The following PRELID2 variants were observed in gnomAD, a reference collection of about 807,000 sequenced individuals.
The protein encoded by PRELID2 is PRELI domain-containing protein 2.
In PRELID2, 25 loss-of-function variants were observed where a neutral mutation model predicts 28.4. The ratio of observed to expected loss-of-function variants is 0.88; its 90% CI spans 0.64 to 1.23. The LOEUF (loss-of-function observed/expected upper bound fraction) is 1.23, where lower values mean the gene tolerates loss of function less well. Among genes scored for constraint, PRELID2 ranks in the 50% most tolerant of loss-of-function variants. The probability of loss-of-function intolerance (pLI) is 0.00; values close to 1 mark genes in which losing one functional copy is unlikely to be tolerated. For missense variants in PRELID2, 201 were observed against 214.4 expected, an observed-to-expected ratio of 0.94 and a Z score of 0.39; for synonymous variants, 76 against 71.6, an observed-to-expected ratio of 1.06 and a Z score of -0.31.
intron 1 of PRELID2, among the ~76,000 whole-genome samples, chr5:145,586,688 C>A (rs183320367): frequency 1.3e-3 from 193 of 152,188 alleles, no homozygotes; most frequent in Admixed American, 3.7e-3. Flanking sequence ...CCCCATATAT[C>A]CGACATCTCT....
At chr5:145,491,870 AG>A (rs1239566887) in intron 1 of PRELID2, among the ~76,000 whole-genome samples, 1 of 152,162 alleles carries the variant, frequency 6.6e-6, no homozygotes, top group African/African-American at 2.4e-5. Flanking sequence ...TCACAATGAC[AG>A]GCTTTCTTTC....
At chr5:145,417,612 T>G in the PRELID2 span, among the ~76,000 whole-genome samples, 23 of 152,162 alleles carry the variant, frequency 1.5e-4, no homozygotes, top group Admixed American at 1.5e-3. Context: ...TCAATAAATG[T>G]GATTCACCAT....
At chr5:145,779,508 A>C (rs1404795534) in intron 5 of PRELID2, among the ~76,000 whole-genome samples, 1 of 108,902 alleles carries the variant, frequency 9.2e-6, no homozygotes, top group Non-Finnish European at 1.9e-5. Context: ...TTTGAAGTTT[A>C]TGTAGTTACT....
At chr5:145,681,063 TC>T (rs1754925604) in intron 1 of PRELID2, among the ~76,000 whole-genome samples, 1 of 152,318 alleles carries the variant, frequency 6.6e-6, no homozygotes, top group Middle Eastern at 3.4e-3. Flanking sequence ...TCTGTCTGCT[TC>T]GGCAGTGGCC....
At chr5:145,459,202 C>T in the PRELID2 span, among the ~76,000 whole-genome samples, 2 of 152,144 alleles carry the variant, frequency 1.3e-5, no homozygotes, top group East Asian at 1.9e-4. Context: ...ATTCTGATGT[C>T]CCCTGGGAGC....
At chr5:145,608,422 T>C (rs1689151032) in intron 1 of PRELID2, among the ~76,000 whole-genome samples, 1 of 152,188 alleles carries the variant, frequency 6.6e-6, no homozygotes, top group Non-Finnish European at 1.5e-5. Context: ...AAGGATCTCT[T>C]GTAAGGCTGG....
At chr5:145,483,766 C>CG (rs1426431686) in intron 1 of PRELID2, among the ~76,000 whole-genome samples, 2 of 152,196 alleles carry the variant, frequency 1.3e-5, no homozygotes, top group African/African-American at 4.8e-5. Flanking sequence ...AACCTATGTC[C>CG]TTACCTATCA....
intron 1 of PRELID2, among the ~76,000 whole-genome samples, chr5:145,560,821 C>T (rs774546867): frequency 6.6e-6 from 1 of 152,186 alleles, no homozygotes; most frequent in Non-Finnish European, 1.5e-5. Flanking sequence ...TTTCCCAGTG[C>T]AGTTAGGGCT....
chr5:145,631,619 C>A (rs1177945029), intron 1 of PRELID2, among the ~76,000 whole-genome samples: 1 of 152,134 alleles, frequency 6.6e-6, no homozygotes, highest in South Asian at 2.1e-4. Context: ...TATTCACTGA[C>A]ACATCCTCAG....
At chr5:145,453,313 T>A in the PRELID2 span, among the ~76,000 whole-genome samples, 1 of 152,178 alleles carries the variant, frequency 6.6e-6, no homozygotes, top group South Asian at 2.1e-4. Context: ...AAGCCCTGAT[T>A]AAATGAGACT....
chr5:145,467,799 T>C (rs1752015708), downstream of PRELID2, among the ~76,000 whole-genome samples: 1 of 151,824 alleles, frequency 6.6e-6, no homozygotes, highest in Non-Finnish European at 1.5e-5. Context: ...GGTATCAAAC[T>C]AGCAGATATA....
At chr5:145,677,868 C>T (rs1754851432) in intron 1 of PRELID2, among the ~76,000 whole-genome samples, 3 of 152,084 alleles carry the variant, frequency 2.0e-5, no homozygotes, top group African/African-American at 7.2e-5. Context: ...AATCCCAGCA[C>T]TTTGGGAGGC....
rs1269534878 is a variant in PRELID2 at position 145,756,516 on chromosome 5, C to A, written c.*4020G>T. On this transcript the variant is annotated 3_prime_UTR_variant, in exon 7 of 7. Transcript: ENST00000683046. ...TCCTCTTAAGTTTCACATTATAGAA[C>A]TGAATACACAAAAACACTAACACAG... 6.6e-6 allele frequency among the ~76,000 whole-genome samples: 1 copy of A among 152,134 alleles called. No individual in the cohort carries two copies. Among genetic ancestry groups the A allele is most frequent in the South Asian group, 2.1e-4 (1 of 4,824 alleles).
At chr5:145,473,995 T>C (rs1320931107) in intron 1 of PRELID2, among the ~76,000 whole-genome samples, 1 of 152,212 alleles carries the variant, frequency 6.6e-6, no homozygotes, top group African/African-American at 2.4e-5. Flanking sequence ...CCTTAGTTAG[T>C]AACAGATGCA....
intron 4 of PRELID2, among the ~76,000 whole-genome samples, chr5:145,810,631 T>C (rs954477866): frequency 6.6e-6 from 1 of 152,180 alleles, no homozygotes; most frequent in Non-Finnish European, 1.5e-5. Flanking sequence ...ATTAAATACA[T>C]TCTGAGAATT....
At chr5:145,729,188 G>T in intron 1 of PRELID2, 1 of 700,178 alleles carries the variant, frequency 1.4e-6, no homozygotes, top group Non-Finnish European at 2.5e-6. Context: ...TTGTATCAGT[G>T]ATGCTCTGGG....
At chr5:145,665,416 T>C (rs1406659742) in intron 1 of PRELID2, among the ~76,000 whole-genome samples, 1 of 152,066 alleles carries the variant, frequency 6.6e-6, no homozygotes, top group Non-Finnish European at 1.5e-5. Flanking sequence ...ACAGCAATTA[T>C]GCCATATATT....
At chr5:145,568,922 A>G (rs1752991990) in intron 1 of PRELID2, among the ~76,000 whole-genome samples, 1 of 152,254 alleles carries the variant, frequency 6.6e-6, no homozygotes, top group Non-Finnish European at 1.5e-5. Flanking sequence ...TGGAATTGGC[A>G]TATATTTTAT....
the PRELID2 span, among the ~76,000 whole-genome samples, chr5:145,371,935 TTG>T: frequency 6.6e-6 from 1 of 152,064 alleles, no homozygotes; most frequent in East Asian, 1.9e-4. Flanking sequence ...GGAGAGTTTT[TTG>T]TGTCTCTGTC....
Sources: gnomAD v4.1 joint callset for allele counts (sites outside exome capture counted in the v4.1 genomes callset) on GRCh38, gnomAD v4.1.1 for gene constraint, MANE v1.5 for transcripts, NCBI Gene and HGNC (gene_info 2026-07-23, HGNC 2026-07-21) for gene names.